IQSEC1: variants seen among roughly 807,000 people sequenced by gnomAD.
IQSEC1 encodes IQ motif and Sec7 domain ArfGEF 1, also known as IQ motif and SEC7 domain-containing protein 1.
A neutral mutation model predicts 91.0 loss-of-function variants in IQSEC1; 31 were observed. The observed-to-expected ratio is 0.34, with a 90% CI of 0.26 to 0.46. IQSEC1 has a LOEUF of 0.46. Among genes scored for constraint, IQSEC1 ranks in the 20% least tolerant of loss-of-function variants. The pLI is 1.00. For missense variants in IQSEC1, 1,388 were observed against 1,575.6 expected (o/e 0.88, Z 2.02); for synonymous variants, 699 against 662.6 (o/e 1.05, Z -0.84).
At chr3:13,012,963 G>GTTTTTTTTTTTTTT (rs1269672691) in intron 1 of IQSEC1, among the ~76,000 whole-genome samples, 9 of 40,934 alleles carry the variant, frequency 2.2e-4, no homozygotes, top group African/African-American at 1.3e-3. Context: ...GAAAGTCTGG[G>GTTTTTTTTTTTTTT]CTTTTTTTTT....
At chr3:13,232,448 T>C (rs1357157924) in intron 1 of IQSEC1, among the ~76,000 whole-genome samples, 3 of 152,298 alleles carry the variant, frequency 2.0e-5, no homozygotes, top group South Asian at 4.1e-4. Flanking sequence ...CTTGTAGCAG[T>C]AATTCACAGG....
intron 2 of IQSEC1, among the ~76,000 whole-genome samples, chr3:13,111,736 T>C (rs1706249716): frequency 6.6e-6 from 1 of 152,102 alleles, no homozygotes; most frequent in Non-Finnish European, 1.5e-5. Flanking sequence ...CAAACTTCCC[T>C]CTCTCTGCCA....
intron 2 of IQSEC1, among the ~76,000 whole-genome samples, chr3:13,134,897 G>A (rs1334287825): frequency 1.3e-5 from 2 of 152,164 alleles, no homozygotes; most frequent in Non-Finnish European, 2.9e-5. Context: ...GACTGAGGCA[G>A]GCCCGGGCCT....
chr3:13,225,855 C>T (rs547158860), intron 1 of IQSEC1, among the ~76,000 whole-genome samples: 2 of 151,588 alleles, frequency 1.3e-5, no homozygotes, highest in African/African-American at 4.9e-5. Context: ...GCTAGAAAGG[C>T]TATTTGATTT....
rs771886745 is a variant in IQSEC1 at position 13,214,361 on chromosome 3, A to G, written c.273-50228T>C. The stretch of plus-strand genomic sequence containing the variant: ...CCTTGTCCAGGAGCTGCCCAGGCCG[A>G]CTCCTCACCCCGTCCCACAGCCAGC... On this transcript the variant is annotated intron_variant, in intron 1 of 15. Transcript: ENST00000648114. This position sits in a 1 kb window ranked among gnomAD's most constrained non-coding sequence, Gnocchi z 4.5. Among the ~76,000 whole-genome samples, 32 of 148,684 alleles carry G rather than the reference A, an allele frequency of 2.2e-4. No individual in the cohort carries two copies. The highest frequency in any genetic ancestry group is 1.1e-3 in the Admixed American group (16 of 14,970).
At chr3:13,125,976 T>G (rs374856893) in intron 2 of IQSEC1, among the ~76,000 whole-genome samples, 2 of 152,200 alleles carry the variant, frequency 1.3e-5, no homozygotes, top group Admixed American at 6.5e-5. Flanking sequence ...TAATTAAAAA[T>G]GAGATTTGGT....
chr3:13,001,115 C>T (rs1000980364), intron 1 of IQSEC1, among the ~76,000 whole-genome samples: 1 of 151,130 alleles, frequency 6.6e-6, no homozygotes, highest in Non-Finnish European at 1.5e-5. Context: ...CAATGCCCAG[C>T]TTTTTTTTTA....
intron 1 of IQSEC1, among the ~76,000 whole-genome samples, chr3:12,957,430 C>T (rs965655457): frequency 5.9e-5 from 9 of 152,242 alleles, no homozygotes; most frequent in Non-Finnish European, 1.3e-4. Flanking sequence ...AATATACACA[C>T]GCACAGAGCC....
chr3:13,052,292 A>G (rs1704719451), intron 1 of IQSEC1, among the ~76,000 whole-genome samples: 1 of 152,200 alleles, frequency 6.6e-6, no homozygotes, highest in African/African-American at 2.4e-5. Flanking sequence ...CACAAATGGA[A>G]TCATCCAGTG....
At chr3:13,178,925 C>T (rs1482301462) in intron 1 of IQSEC1, among the ~76,000 whole-genome samples, 1 of 152,196 alleles carries the variant, frequency 6.6e-6, no homozygotes, top group South Asian at 2.1e-4. Flanking sequence ...GAAACACCTT[C>T]GGTCATCCCA....
chr3:13,062,125 C>T lies in IQSEC1; in HGVS notation c.23+10867G>A, dbSNP rs146701358. 8.5e-3 allele frequency among the ~76,000 whole-genome samples: 1,298 copies of T among 152,304 alleles called. 10 individuals carry two copies. The highest frequency in any genetic ancestry group is 0.013 in the Non-Finnish European group (918 of 68,034). Reference sequence around the variant, plus strand: ...GTGGGCTATTCACTGACAGTAATCACGGAAATCCCTTTGACTTGAGTTTCT... The same window carrying T: ...GTGGGCTATTCACTGACAGTAATCATGGAAATCCCTTTGACTTGAGTTTCT... On this transcript the variant is annotated intron_variant, in intron 1 of 13. Transcript: ENST00000613206.
chr3:13,261,964 T>C (rs1695396651), intron 1 of IQSEC1, among the ~76,000 whole-genome samples: 1 of 152,228 alleles, frequency 6.6e-6, no homozygotes. Context: ...ATCAGTACAC[T>C]TGACATCTTG....
chr3:12,935,466 C>A lies in IQSEC1; in HGVS notation c.1550G>T (p.Gly517Val). 1 of 1,612,124 alleles carries A rather than the reference C, an allele frequency of 6.2e-7. No homozygotes were observed. Among genetic ancestry groups the A allele is most frequent in the Non-Finnish European group, 8.5e-7 (1 of 1,178,606 alleles). Reference protein sequence around the residue: ...DVIRKRHYRIGLNLFNKKPEK... With the variant: ...DVIRKRHYRIVLNLFNKKPEK... Reference sequence around the variant, plus strand: ...TACTCACTTGTTGAAGAGGTTCAGGCCGATGCGGTAGTGCCTCTTGCGGAT... The same window carrying A: ...TACTCACTTGTTGAAGAGGTTCAGGACGATGCGGTAGTGCCTCTTGCGGAT... The change falls in exon 3 of 14, where the codon GGC (glycine) becomes GTC (valine). Residue 517 changes from glycine to valine, a missense_variant. By Grantham distance (109) the Gly-to-Val change is moderately radical. Coordinates refer to ENST00000613206, the MANE Select transcript of IQSEC1 (RefSeq NM_001134382.3). The surrounding 1 kb of genome is among the most constrained non-coding windows in gnomAD (Gnocchi z 8.0).
At chr3:13,032,501 G>A (rs550015021) in intron 1 of IQSEC1, among the ~76,000 whole-genome samples, 4 of 152,348 alleles carry the variant, frequency 2.6e-5, no homozygotes, top group Admixed American at 1.3e-4. Context: ...ATCCTGACAC[G>A]GAAGGACAAG....
At chr3:13,267,509 G>C (rs1695512555) in intron 1 of IQSEC1, among the ~76,000 whole-genome samples, 1 of 152,126 alleles carries the variant, frequency 6.6e-6, no homozygotes, top group African/African-American at 2.4e-5. Context: ...AAGAGGACTG[G>C]ATTTTTGGCA....
intron 1 of IQSEC1, among the ~76,000 whole-genome samples, chr3:13,225,414 T>C (rs1395985091): frequency 6.6e-6 from 1 of 152,264 alleles, no homozygotes; most frequent in Non-Finnish European, 1.5e-5. Flanking sequence ...CAAGATGTGA[T>C]TGTATGCGAT....
At chr3:13,036,456 A>AT (rs1030568166) in intron 1 of IQSEC1, among the ~76,000 whole-genome samples, 1 of 152,054 alleles carries the variant, frequency 6.6e-6, no homozygotes, top group Non-Finnish European at 1.5e-5. Context: ...AACAAAAATA[A>AT]TTTTTTTTAA....
intron 1 of IQSEC1, among the ~76,000 whole-genome samples, chr3:13,041,150 C>T (rs1017066241): frequency 4.6e-5 from 7 of 151,922 alleles, no homozygotes; most frequent in African/African-American, 1.7e-4. Flanking sequence ...ATAAAGTGCC[C>T]CACCGCGGTA....
At chr3:12,957,285 T>A (rs1699968177) in intron 1 of IQSEC1, among the ~76,000 whole-genome samples, 1 of 152,198 alleles carries the variant, frequency 6.6e-6, no homozygotes, top group Non-Finnish European at 1.5e-5. Context: ...TTTACTTTCT[T>A]CATTAACCAT....
Sources: allele counts gnomAD v4.1 joint callset (sites outside exome capture counted in the v4.1 genomes callset), GRCh38; gene constraint gnomAD v4.1.1; non-coding constraint Gnocchi (gnomAD v3.1); transcripts MANE v1.5; gene names NCBI Gene and HGNC (gene_info 2026-07-23, HGNC 2026-07-21).